The following CCNY variants were observed in gnomAD, a reference collection of about 807,000 sequenced individuals.
CCNY encodes cyclin Y.
In CCNY, 19 loss-of-function variants were observed where a neutral mutation model predicts 42.8. The ratio of observed to expected loss-of-function variants is 0.44; its 90% CI spans 0.31 to 0.65. The LOEUF is 0.65. Ranked by LOEUF, CCNY falls within the 30% of genes least tolerant of loss-of-function variation. The pLI is 0.07. For synonymous variants in CCNY, 165 were observed against 162.7 expected (o/e 1.01, Z -0.11); for missense variants, 370 against 437.3 (o/e 0.85, Z 1.37).
At chr10:35,436,129 G>A (rs1165161166) in intron 1 of CCNY, among the ~76,000 whole-genome samples, 3 of 152,182 alleles carry the variant, frequency 2.0e-5, no homozygotes, top group Admixed American at 2.0e-4. Context: ...ATGGGGAAGT[G>A]TGACATGGGG....
At chr10:35,310,974 C>CAACAAAACAAAACAAAACAA (rs59550105) in intron 3 of CCNY, among the ~76,000 whole-genome samples, 11 of 145,874 alleles carry the variant, frequency 7.5e-5, no homozygotes, top group African/African-American at 2.6e-4. Context: ...AACCCTGTCT[C>CAACAAAACAAAACAAAACAA]AACAAAACAA....
chr10:35,424,766 C>T lies in CCNY; in HGVS notation c.155-58638C>T, dbSNP rs563328098. Among the ~76,000 whole-genome samples, 6 of 152,172 alleles carry T rather than the reference C, an allele frequency of 3.9e-5. No homozygotes were observed. In the East Asian group the frequency reaches 5.8e-4, roughly 15 times the overall value. ...GTGTTCCCAAGTGTGCCTGGCCAGG[C>T]GCATAAAGATACAAAATCGATGCTT... is the stretch of plus-strand genomic sequence containing the variant. On this transcript the variant is annotated intron_variant, in intron 1 of 9. Coordinates refer to ENST00000374704, the MANE Select transcript of CCNY (RefSeq NM_145012.6).
intron 1 of CCNY, among the ~76,000 whole-genome samples, chr10:35,412,897 G>A (rs1837943298): frequency 6.9e-6 from 1 of 144,788 alleles, no homozygotes; most frequent in African/African-American, 2.6e-5. Flanking sequence ...AAGAATTTGC[G>A]CGGCGGGCAA....
At chr10:35,355,132 G>C (rs891280618) in intron 1 of CCNY, among the ~76,000 whole-genome samples, 8 of 152,120 alleles carry the variant, frequency 5.3e-5, no homozygotes, top group Non-Finnish European at 7.4e-5. Context: ...TTTGGGGTAC[G>C]GACATGAGTG....
chr10:35,502,538 C>T (rs1051462210), intron 3 of CCNY, among the ~76,000 whole-genome samples: 10 of 152,264 alleles, frequency 6.6e-5, no homozygotes, highest in Admixed American at 2.6e-4. Flanking sequence ...CATGATGCTA[C>T]GCCCTTAGGA....
At chr10:35,310,099 T>G (rs972528335) in intron 3 of CCNY, among the ~76,000 whole-genome samples, 1 of 152,136 alleles carries the variant, frequency 6.6e-6, no homozygotes, top group Non-Finnish European at 1.5e-5. Flanking sequence ...TGCACCCAGC[T>G]GGGAACCACC....
intron 3 of CCNY, among the ~76,000 whole-genome samples, chr10:35,282,471 T>C (rs112594924): frequency 1.3e-5 from 2 of 151,746 alleles, no homozygotes; most frequent in African/African-American, 4.8e-5. Flanking sequence ...CTCATGCCTA[T>C]AATCCCAGCA....
chr10:35,386,004 G>GTT (rs1201127122), intron 1 of CCNY, among the ~76,000 whole-genome samples: 1 of 149,166 alleles, frequency 6.7e-6, no homozygotes, highest in Admixed American at 6.7e-5. Flanking sequence ...TTGTCTTTCT[G>GTT]TTTTTTTTTT....
Position 35,530,024 on chromosome 10 carries a change from T to A in CCNY, c.453T>A (p.Pro151=). 1 of 1,614,170 alleles carries A rather than the reference T, an allele frequency of 6.2e-7. No individual in the cohort carries two copies. Among genetic ancestry groups the A allele is most frequent in the Non-Finnish European group, 8.5e-7 (1 of 1,179,972 alleles). ...ATATTTTTGATGAAAATCTTCACCC[T>A]CTTTCGGTAATCTCCTCCGTGTGTT... The part of the protein sequence containing the change: ...LLDIFDENLH[P]LSKSEVPPDY... Residue 151 remains proline (P), a synonymous_variant, in exon 6 of 10, where the codon CCT becomes CCA. Coordinates refer to ENST00000374704, the MANE Select transcript of CCNY (RefSeq NM_145012.6). The surrounding 1 kb of genome is among the most constrained non-coding windows in gnomAD (Gnocchi z 4.3).
chr10:35,371,270 A>G lies in CCNY; in HGVS notation c.154+34063A>G, dbSNP rs376098350. On this transcript the variant is annotated intron_variant, in intron 1 of 9. Coordinates refer to ENST00000374704, the MANE Select transcript of CCNY (RefSeq NM_145012.6). ...GGTGACCTGGACATTGTATCAGCTGATACTTCTTTGTTATTTAACTTGGAC... is the reference window on the plus strand; with the variant it reads ...GGTGACCTGGACATTGTATCAGCTGGTACTTCTTTGTTATTTAACTTGGAC... Among the ~76,000 whole-genome samples the G allele has an allele frequency of 1.1e-4, 16 of 152,122 alleles. No homozygotes were observed. In the South Asian group the frequency reaches 1.9e-3, roughly 18 times the overall value.
At chr10:35,459,591 A>G (rs1044417708) in intron 1 of CCNY, among the ~76,000 whole-genome samples, 2 of 152,152 alleles carry the variant, frequency 1.3e-5, no homozygotes, top group Admixed American at 6.5e-5. Context: ...TGTTTTGACA[A>G]GGTGGGACCC....
In CCNY at chr10:35,495,666, T is replaced by C. The variant is rs112134245; in HGVS notation, c.230-5835T>C. Among the ~76,000 whole-genome samples the C allele has an allele frequency of 3.4e-3, 512 of 152,336 alleles. 4 individuals carry two copies. Among genetic ancestry groups the C allele is most frequent in the African/African-American group, 0.012 (482 of 41,584 alleles). ...AGTTCAGAGCAGGCCAGAGGTCTAA[T>C]TGGAAGCTCCCTTCCTGCAGCACAG... On this transcript the variant is annotated intron_variant, in intron 2 of 9. Transcript: ENST00000374704.
At chr10:35,339,692 T>G (rs1471516757) in intron 1 of CCNY, among the ~76,000 whole-genome samples, 1 of 152,222 alleles carries the variant, frequency 6.6e-6, no homozygotes, top group East Asian at 1.9e-4. Context: ...ATCACAGAGA[T>G]ATGACATATG....
rs115514447 is a variant in CCNY at position 35,353,791 on chromosome 10, A to G, written c.154+16584A>G. 3.7e-3 allele frequency among the ~76,000 whole-genome samples: 571 copies of G among 152,360 alleles called. 1 individual carries two copies. The highest frequency in any genetic ancestry group is 0.013 in the African/African-American group (549 of 41,588). ...TAATGTGATGTTAGTCTAAGTAAGA[A>G]TTATGTTTTAGGGAATTGTATTAGT... On this transcript the variant is annotated intron_variant, in intron 1 of 9. Coordinates refer to ENST00000374704, the MANE Select transcript of CCNY (RefSeq NM_145012.6).
chr10:35,296,854 A>G (rs546531331), intron 3 of CCNY, among the ~76,000 whole-genome samples: 2 of 152,322 alleles, frequency 1.3e-5, no homozygotes, highest in South Asian at 4.2e-4. Flanking sequence ...AGATGGATTC[A>G]CAGCTGAATT....
chr10:35,254,717 A>C (rs2095714253), intron 3 of CCNY, among the ~76,000 whole-genome samples: 1 of 151,128 alleles, frequency 6.6e-6, no homozygotes, highest in African/African-American at 2.4e-5. Context: ...AGTCCCAGCT[A>C]CTCGGGAGGT....
chr10:35,540,615 T>G (rs1005217523), intron 7 of CCNY, among the ~76,000 whole-genome samples: 6 of 152,144 alleles, frequency 3.9e-5, no homozygotes, highest in African/African-American at 1.4e-4. Context: ...ATTTAAATGT[T>G]TGGTAGAATT....
intron 7 of CCNY, among the ~76,000 whole-genome samples, chr10:35,532,787 C>G (rs888267745): frequency 6.6e-6 from 1 of 152,238 alleles, no homozygotes; most frequent in Non-Finnish European, 1.5e-5. Flanking sequence ...CCCAAGCTGA[C>G]TGATCCTGAG....
intron 4 of CCNY, among the ~76,000 whole-genome samples, chr10:35,519,081 C>T (rs964788766): frequency 2.0e-5 from 3 of 151,058 alleles, no homozygotes; most frequent in African/African-American, 7.3e-5. Context: ...TTTAACAGAT[C>T]TTGATTGAAT....
Sources: gnomAD v4.1 joint callset for allele counts (sites outside exome capture counted in the v4.1 genomes callset) on GRCh38, gnomAD v4.1.1 for gene constraint, Gnocchi (gnomAD v3.1) non-coding constraint, MANE v1.5 for transcripts, NCBI Gene and HGNC (gene_info 2026-07-23, HGNC 2026-07-21) for gene names.